Variants in ABCC1 observed in about 807,000 individuals in gnomAD.
The protein encoded by ABCC1 is ATP binding cassette subfamily C member 1 (ABCC1 blood group), also known as multidrug resistance-associated protein 1.
In ABCC1, 83 loss-of-function variants were observed where a neutral mutation model predicts 172.9. That is an observed-to-expected ratio of 0.48 (90% CI 0.40 to 0.58). The LOEUF (loss-of-function observed/expected upper bound fraction) is 0.58, where lower values mean the gene tolerates loss of function less well. ABCC1 is among the 20% of genes least tolerant of loss of function. The pLI is 0.00. For synonymous variants in ABCC1, 937 were observed against 825.2 expected (o/e 1.14, Z -2.32); for missense variants, 1,817 against 2,002.7 (o/e 0.91, Z 1.77).
At position 16,073,730 on chromosome 16, in the gene ABCC1, C is replaced by T. The variant is rs925086690; in HGVS notation, c.1912+2001C>T. Among the ~76,000 whole-genome samples the T allele has an allele frequency of 5.9e-5, 9 of 152,140 alleles. No individual in the cohort carries two copies. In the East Asian group the frequency reaches 1.7e-3, roughly 29 times the overall value. On this transcript the variant is annotated intron_variant, in intron 14 of 30. Transcript: ENST00000399410. Reference sequence around the variant, plus strand: ...TATGATCATGCCACTGTACTCCAGCCTGGGTGTCAGAGTGAGACCCTGTCT... The same window carrying T: ...TATGATCATGCCACTGTACTCCAGCTTGGGTGTCAGAGTGAGACCCTGTCT...
At chr16:16,115,395 C>T (rs2044816173) in intron 23 of ABCC1, among the ~76,000 whole-genome samples, 1 of 152,078 alleles carries the variant, frequency 6.6e-6, no homozygotes. Flanking sequence ...CGCTCTGTCA[C>T]CCAGGCTGGA....
intron 10 of ABCC1, among the ~76,000 whole-genome samples, chr16:16,049,285 G>A (rs992767354): frequency 1.2e-4 from 19 of 152,146 alleles, no homozygotes; most frequent in Non-Finnish European, 8.8e-5. Flanking sequence ...TGATTAGCCT[G>A]GCTTGGTCCT....
chr16:16,078,734 T>G (rs552958594), intron 15 of ABCC1, among the ~76,000 whole-genome samples: 22 of 152,330 alleles, frequency 1.4e-4, no homozygotes, highest in African/African-American at 5.3e-4. Context: ...CGGAGTGCAG[T>G]GGCACGATCT....
chr16:16,005,441 G>A (rs560736990), intron 1 of ABCC1, among the ~76,000 whole-genome samples: 1 of 151,514 alleles, frequency 6.6e-6, no homozygotes, highest in South Asian at 2.1e-4. Flanking sequence ...TCCGCCTCCT[G>A]GGTTCAAGTG....
intron 1 of ABCC1, among the ~76,000 whole-genome samples, chr16:16,002,865 A>G (rs2047367805): frequency 6.6e-6 from 1 of 152,230 alleles, no homozygotes; most frequent in Non-Finnish European, 1.5e-5. Flanking sequence ...GTGGCAACAA[A>G]ATAGGTCGTA....
intron 1 of ABCC1, among the ~76,000 whole-genome samples, chr16:15,953,506 G>A (rs928168785): frequency 1.3e-5 from 2 of 152,162 alleles, no homozygotes; most frequent in African/African-American, 4.8e-5. Context: ...GTGGGATAAC[G>A]TAGTACCTAG....
At chr16:16,049,005 T>A (rs917294763) in intron 10 of ABCC1, among the ~76,000 whole-genome samples, 3 of 151,404 alleles carry the variant, frequency 2.0e-5, no homozygotes, top group Non-Finnish European at 2.9e-5. Context: ...AAAAGTAGCC[T>A]AAGTAAATAG....
intron 18 of ABCC1, 96 bp from the exon 19 acceptor site, chr16:16,090,309 G>A (rs1367568718): frequency 1.5e-6 from 2 of 1,335,750 alleles, no homozygotes; most frequent in Non-Finnish European, 2.0e-6. Context: ...CCCACCAGGT[G>A]TTCGTCGGCT....
At chr16:16,042,934 T>C (rs1372328904) in intron 7 of ABCC1, among the ~76,000 whole-genome samples, 1 of 151,800 alleles carries the variant, frequency 6.6e-6, no homozygotes, top group African/African-American at 2.4e-5. Flanking sequence ...CCTCGGCTCA[T>C]TGCAACCCCC....
intron 17 of ABCC1, 54 bp downstream of exon 17, chr16:16,083,596 AAATGCTCTCAC>A: frequency 6.3e-7 from 1 of 1,580,758 alleles, no homozygotes; most frequent in Non-Finnish European, 8.6e-7. Flanking sequence ...GCCGCGTAAC[AAATGCTCTCAC>A]AATCTCAGTG....
chr16:16,080,297 G>T (rs1404740608), intron 16 of ABCC1, among the ~76,000 whole-genome samples: 1 of 151,986 alleles, frequency 6.6e-6, no homozygotes, highest in African/African-American at 2.4e-5. Context: ...ATGTTTATGT[G>T]GTTGGAATAT....
intron 6 of ABCC1, among the ~76,000 whole-genome samples, chr16:16,035,462 T>C (rs561384319): frequency 5.3e-5 from 8 of 150,156 alleles, no homozygotes; most frequent in African/African-American, 1.9e-4. Context: ...CATGTCAGCC[T>C]TTTTATTTTT....
At chr16:16,013,269 TG>T (rs923054813) in intron 3 of ABCC1, among the ~76,000 whole-genome samples, 2 of 92,344 alleles carry the variant, frequency 2.2e-5, no homozygotes, top group Non-Finnish European at 5.8e-5. Context: ...AGCCAGCACA[TG>T]TTTTTTTTTT....
intron 6 of ABCC1, among the ~76,000 whole-genome samples, chr16:16,034,450 C>T (rs918652012): frequency 3.3e-5 from 5 of 152,086 alleles, no homozygotes; most frequent in African/African-American, 7.2e-5. Flanking sequence ...TACAGGACCC[C>T]GGATGCATGC....
At position 16,111,460 on chromosome 16, in the gene ABCC1, A is replaced by G; in HGVS notation, c.2957A>G (p.His986Arg). Residue 986 changes from histidine to arginine, a missense_variant, in exon 22 of 31, where the codon CAT (histidine) becomes CGT (arginine). His to Arg is a conservative substitution (Grantham distance 29). This residue lies in a region of ABCC1 where 1,412 missense variants were observed against 1,600.3 expected (regional missense o/e 0.88). Transcript: ENST00000399410. ...AGCATCTTCCTTTTCATGTGTAACC[A>G]TGTGTCCGCGCTGGCTTCCAACTAT... ...FLSIFLFMCN[H>R]VSALASNYWL... 2 of 1,614,118 alleles carry G rather than the reference A, an allele frequency of 1.2e-6. No homozygotes were observed. The highest frequency in any genetic ancestry group is 1.7e-6 in the Non-Finnish European group (2 of 1,180,024).
At chr16:15,950,652 C>T (rs2045849380) in intron 1 of ABCC1, among the ~76,000 whole-genome samples, 2 of 152,330 alleles carry the variant, frequency 1.3e-5, no homozygotes, top group South Asian at 2.1e-4. Flanking sequence ...GCTTCAGCTT[C>T]TCCGTAATGC....
intron 29 of ABCC1, 93 bp downstream of exon 29, chr16:16,136,737 C>G (rs2045931901): frequency 3.5e-6 from 5 of 1,421,014 alleles, no homozygotes; most frequent in Non-Finnish European, 4.7e-6. Flanking sequence ...TCTGTGTCAC[C>G]TGGATTTGAG....
chr16:16,068,573 C>G (rs1338474835), intron 13 of ABCC1, among the ~76,000 whole-genome samples: 2 of 152,218 alleles, frequency 1.3e-5, no homozygotes, highest in African/African-American at 2.4e-5. Flanking sequence ...CCGAAATACT[C>G]TGTTCTCTTC....
In ABCC1 at chr16:16,057,978, G is replaced by A. The variant is rs561491214; in HGVS notation, c.1677+1683G>A. ...TGTTCATGATGGATGCTTGTCTGAC[G>A]TGCAGATGCGCCCTGCTGGAATTAC... On this transcript the variant is annotated intron_variant, in intron 12 of 30. Coordinates refer to ENST00000399410, the MANE Select transcript of ABCC1 (RefSeq NM_004996.4). 7.9e-5 allele frequency among the ~76,000 whole-genome samples: 12 copies of A among 152,168 alleles called. No homozygotes were observed. In the South Asian group the frequency reaches 2.3e-3, roughly 29 times the overall value.
Sources: allele counts gnomAD v4.1 joint callset (sites outside exome capture counted in the v4.1 genomes callset), GRCh38; gene constraint gnomAD v4.1.1; regional missense constraint gnomAD v4.1.1; transcripts MANE v1.5; gene names NCBI Gene and HGNC (gene_info 2026-07-23, HGNC 2026-07-21).